The following PABPC4L variants were observed in gnomAD, a reference collection of about 807,000 sequenced individuals.
PABPC4L encodes poly(A) binding protein cytoplasmic 4 like, also known as polyadenylate-binding protein 4-like.
For missense variants in PABPC4L, 452 were observed against 451.4 expected, an observed-to-expected ratio of 1.00 and a Z score of -0.01; for synonymous variants, 169 against 164.1, an observed-to-expected ratio of 1.03 and a Z score of -0.23.
chr4:133,999,136 A>G, the PABPC4L span, among the ~76,000 whole-genome samples: 13 of 152,054 alleles, frequency 8.5e-5, no homozygotes, highest in Non-Finnish European at 4.4e-5. Context: ...CACATATTAC[A>G]TCAACAAACA....
chr4:134,144,579 TAAA>T, the PABPC4L span, among the ~76,000 whole-genome samples: 21 of 138,858 alleles, frequency 1.5e-4, no homozygotes, highest in African/African-American at 3.9e-4. Flanking sequence ...CCTACCAGGT[TAAA>T]AAAAAAAAAA....
At chr4:134,097,679 C>T in the PABPC4L span, among the ~76,000 whole-genome samples, 2 of 151,844 alleles carry the variant, frequency 1.3e-5, no homozygotes, top group African/African-American at 4.8e-5. Flanking sequence ...CTTCTCAGAC[C>T]TGTGGATACA....
the PABPC4L span, among the ~76,000 whole-genome samples, chr4:134,175,436 T>C: frequency 6.6e-6 from 1 of 152,028 alleles, no homozygotes; most frequent in Admixed American, 6.6e-5. Context: ...AATTAATTAA[T>C]TAATTAATCA....
chr4:134,183,813 T>A, the PABPC4L span, among the ~76,000 whole-genome samples: 1 of 151,862 alleles, frequency 6.6e-6, no homozygotes, highest in Non-Finnish European at 1.5e-5. Flanking sequence ...AATAAATTGA[T>A]ATTTATTTTC....
At chr4:134,021,493 G>A in the PABPC4L span, among the ~76,000 whole-genome samples, 1 of 152,110 alleles carries the variant, frequency 6.6e-6, no homozygotes, top group African/African-American at 2.4e-5. Flanking sequence ...AAGGTCCTGG[G>A]ACAGAAAGTA....
chr4:133,989,103 A>G, the PABPC4L span, among the ~76,000 whole-genome samples: 27,503 of 151,962 alleles, frequency 0.18, 3,121 homozygotes, highest in Middle Eastern at 0.26. Flanking sequence ...AGTCCATGAA[A>G]GCATTTTTTT....
At chr4:134,195,989 A>G (rs1161549610), downstream of PABPC4L, among the ~76,000 whole-genome samples, 1 of 151,328 alleles carries the variant, frequency 6.6e-6, no homozygotes, top group African/African-American at 2.4e-5. Context: ...TTTATTATAT[A>G]TATTTTTAAA....
At chr4:134,113,613 C>A in the PABPC4L span, among the ~76,000 whole-genome samples, 1 of 151,768 alleles carries the variant, frequency 6.6e-6, no homozygotes, top group Non-Finnish European at 1.5e-5. Flanking sequence ...CACAACCTAT[C>A]CCCACTGTTA....
the PABPC4L span, among the ~76,000 whole-genome samples, chr4:134,036,882 A>G: frequency 6.6e-6 from 1 of 151,780 alleles, no homozygotes; most frequent in Non-Finnish European, 1.5e-5. Flanking sequence ...ATGGTGAAAC[A>G]TTGTTTCTAC....
chr4:134,165,835 G>A, the PABPC4L span, among the ~76,000 whole-genome samples: 5 of 152,058 alleles, frequency 3.3e-5, no homozygotes, highest in African/African-American at 7.2e-5. Context: ...ACTTGCACAC[G>A]TATGCTTATC....
chr4:134,108,031 C>G, the PABPC4L span, among the ~76,000 whole-genome samples: 1 of 151,394 alleles, frequency 6.6e-6, no homozygotes, highest in African/African-American at 2.4e-5. Context: ...AGACCATTTA[C>G]TATATACTTA....
chr4:134,125,668 T>A, the PABPC4L span, among the ~76,000 whole-genome samples: 1 of 152,192 alleles, frequency 6.6e-6, no homozygotes, highest in Non-Finnish European at 1.5e-5. Context: ...ATATTAATGT[T>A]ATTTTAAAAT....
chr4:134,081,015 TATTATAGAC>T, the PABPC4L span, among the ~76,000 whole-genome samples: 2 of 152,222 alleles, frequency 1.3e-5, no homozygotes, highest in African/African-American at 4.8e-5. Flanking sequence ...TTTTTATTTC[TATTATAGAC>T]ATCTAATATA....
At chr4:134,133,444 T>C in the PABPC4L span, among the ~76,000 whole-genome samples, 1 of 145,806 alleles carries the variant, frequency 6.9e-6, no homozygotes, top group Non-Finnish European at 1.5e-5. Context: ...ATTAAATATA[T>C]AATATATAAT....
the PABPC4L span, among the ~76,000 whole-genome samples, chr4:134,091,473 T>C: frequency 1.3e-5 from 2 of 151,950 alleles, no homozygotes; most frequent in Non-Finnish European, 2.9e-5. Flanking sequence ...TCATCTCTAT[T>C]ATCATCTCAT....
the PABPC4L span, among the ~76,000 whole-genome samples, chr4:134,148,821 T>A: frequency 6.6e-6 from 1 of 151,254 alleles, no homozygotes; most frequent in African/African-American, 2.4e-5. Context: ...CAAAATAAGT[T>A]GAATGACATA....
At chr4:134,177,937 C>G in the PABPC4L span, among the ~76,000 whole-genome samples, 1 of 152,048 alleles carries the variant, frequency 6.6e-6, no homozygotes, top group Non-Finnish European at 1.5e-5. Flanking sequence ...GCCTAGCAAC[C>G]CTGATTCTGT....
chr4:134,062,944 T>C, the PABPC4L span, among the ~76,000 whole-genome samples: 1 of 152,120 alleles, frequency 6.6e-6, no homozygotes, highest in Non-Finnish European at 1.5e-5. Context: ...TGTTAATGCT[T>C]CATGTTTAAA....
the PABPC4L span, among the ~76,000 whole-genome samples, chr4:134,015,104 A>C: frequency 1.1e-3 from 170 of 151,956 alleles, 1 homozygote; most frequent in Middle Eastern, 3.4e-3. Flanking sequence ...TGATCATGCA[A>C]CCCTTACCAT....
Sources: allele counts gnomAD v4.1 joint callset (sites outside exome capture counted in the v4.1 genomes callset), GRCh38; gene constraint gnomAD v4.1.1; transcripts MANE v1.5; gene names NCBI Gene and HGNC (gene_info 2026-07-23, HGNC 2026-07-21).